UNC13C: variants seen among roughly 807,000 people sequenced by gnomAD.
UNC13C encodes the protein unc-13 homolog C, also known as protein unc-13 homolog C.
UNC13C carries 174 observed loss-of-function variants against 245.4 expected under a neutral mutation model. The observed-to-expected ratio is 0.71, with a 90% CI of 0.63 to 0.80. UNC13C has a LOEUF of 0.80. Ranked by LOEUF, UNC13C falls within the 30% of genes least tolerant of loss-of-function variation. UNC13C has a pLI of 0.00. For missense variants in UNC13C, 2,829 were observed against 2,602.9 expected, an observed-to-expected ratio of 1.09 and a Z score of -1.89; for synonymous variants, 992 against 895.1, an observed-to-expected ratio of 1.11 and a Z score of -1.93.
chr15:54,297,958 A>G, intron 12 of UNC13C, 32 bp downstream of exon 12: 1 of 1,298,526 alleles, frequency 7.7e-7, no homozygotes, highest in Non-Finnish European at 1.1e-6. Context: ...AATACAAAAT[A>G]TAAGAAATGT....
At chr15:54,034,242 T>G (rs1429342041) in intron 2 of UNC13C, among the ~76,000 whole-genome samples, 2 of 152,198 alleles carry the variant, frequency 1.3e-5, no homozygotes. Context: ...GCTGTAAGTG[T>G]GTGTCTACCA....
chr15:53,925,424 G>T, the UNC13C span, among the ~76,000 whole-genome samples: 1 of 152,152 alleles, frequency 6.6e-6, no homozygotes, highest in Non-Finnish European at 1.5e-5. Flanking sequence ...TGAGCCAGAG[G>T]CTTGTTTTCT....
chr15:54,130,237 G>C (rs2141212631), intron 2 of UNC13C, among the ~76,000 whole-genome samples: 1 of 148,002 alleles, frequency 6.8e-6, no homozygotes, highest in Non-Finnish European at 1.5e-5. Flanking sequence ...TGGTCTTTTT[G>C]ATATTCTGTG....
chr15:54,115,872 G>A (rs981296282), intron 2 of UNC13C, among the ~76,000 whole-genome samples: 1 of 151,984 alleles, frequency 6.6e-6, no homozygotes, highest in East Asian at 1.9e-4. Context: ...TATAAATTAT[G>A]GTATGACTTT....
chr15:54,203,261 C>G (rs2034579381), intron 4 of UNC13C, among the ~76,000 whole-genome samples: 1 of 151,742 alleles, frequency 6.6e-6, no homozygotes, highest in Non-Finnish European at 1.5e-5. Context: ...CTATGGAAAA[C>G]AGTGTGAAGA....
chr15:53,996,871 A>G (rs1168459105), intron 1 of UNC13C, among the ~76,000 whole-genome samples: 1 of 150,290 alleles, frequency 6.7e-6, no homozygotes, highest in Non-Finnish European at 1.5e-5. Flanking sequence ...GAAAAAAGCT[A>G]TCAGAAAAAA....
intron 4 of UNC13C, among the ~76,000 whole-genome samples, chr15:54,165,879 A>G (rs1468238736): frequency 1.3e-5 from 2 of 150,936 alleles, no homozygotes; most frequent in African/African-American, 4.9e-5. Context: ...TTTCTTGCCA[A>G]TCTGAAAGGT....
At chr15:54,605,096 G>C (rs572909932) in intron 30 of UNC13C, among the ~76,000 whole-genome samples, 2 of 152,152 alleles carry the variant, frequency 1.3e-5, no homozygotes, top group African/African-American at 2.4e-5. Flanking sequence ...TGCCTGAGAC[G>C]AGAAACAAGA....
At chr15:54,057,568 C>A (rs958587157) in intron 2 of UNC13C, among the ~76,000 whole-genome samples, 1 of 152,046 alleles carries the variant, frequency 6.6e-6, no homozygotes, top group Non-Finnish European at 1.5e-5. Flanking sequence ...AGAAAGTTAA[C>A]CAGGATATCC....
chr15:54,512,244 T>G (rs758438459), intron 24 of UNC13C: 28 of 432,414 alleles, frequency 6.5e-5, no homozygotes, highest in Non-Finnish European at 1.2e-4. Flanking sequence ...GTACTGGAGT[T>G]TATTTTTCAC....
intron 4 of UNC13C, among the ~76,000 whole-genome samples, chr15:54,162,493 C>G (rs2033015352): frequency 6.6e-6 from 1 of 152,178 alleles, no homozygotes; most frequent in Non-Finnish European, 1.5e-5. Context: ...TTCAAAATCT[C>G]TCTCCCCATC....
At chr15:53,897,957 G>T in the UNC13C span, among the ~76,000 whole-genome samples, 146 of 152,224 alleles carry the variant, frequency 9.6e-4, 1 homozygote, top group African/African-American at 3.4e-3. Context: ...GATAACTGTA[G>T]TTCTAGTTGA....
intron 13 of UNC13C, among the ~76,000 whole-genome samples, chr15:54,309,495 G>T (rs1300908721): frequency 6.6e-6 from 1 of 151,820 alleles, no homozygotes; most frequent in Non-Finnish European, 1.5e-5. Flanking sequence ...CTGTGAAGAA[G>T]CTTTTTAGGT....
At chr15:54,321,845 A>G (rs1490264480) in intron 13 of UNC13C, 94 bp from the exon 14 acceptor site, 9 of 1,197,966 alleles carry the variant, frequency 7.5e-6, no homozygotes, top group South Asian at 2.9e-5. Flanking sequence ...TCATAGATGT[A>G]GCTGTGGAAT....
intron 24 of UNC13C, among the ~76,000 whole-genome samples, chr15:54,519,822 T>C (rs1402229390): frequency 1.3e-5 from 2 of 152,170 alleles, no homozygotes; most frequent in African/African-American, 4.8e-5. Context: ...TATGAAGTGA[T>C]TTAGGGCATT....
At chr15:54,052,400 T>G (rs1897310747) in intron 2 of UNC13C, among the ~76,000 whole-genome samples, 1 of 150,194 alleles carries the variant, frequency 6.7e-6, no homozygotes, top group Admixed American at 6.7e-5. Flanking sequence ...TGTTCCTATT[T>G]CTCCACATCC....
intron 2 of UNC13C, among the ~76,000 whole-genome samples, chr15:54,104,331 T>C (rs1162452474): frequency 4.6e-5 from 7 of 152,200 alleles, no homozygotes; most frequent in African/African-American, 1.7e-4. Flanking sequence ...ATCCTTTTTT[T>C]CCCTTGGAGA....
intron 4 of UNC13C, among the ~76,000 whole-genome samples, chr15:54,182,509 G>A (rs756624735): frequency 6.6e-6 from 1 of 151,962 alleles, no homozygotes; most frequent in African/African-American, 2.4e-5. Context: ...TGGTATCAGG[G>A]TGATGCTGGC....
intron 1 of UNC13C, among the ~76,000 whole-genome samples, chr15:53,992,307 A>G (rs1329645936): frequency 6.6e-6 from 1 of 151,996 alleles, no homozygotes; most frequent in African/African-American, 2.4e-5. Context: ...CAGCTTCTTC[A>G]ATATATAGCC....
Sources: allele counts gnomAD v4.1 joint callset (sites outside exome capture counted in the v4.1 genomes callset), GRCh38; gene constraint gnomAD v4.1.1; transcripts MANE v1.5; gene names NCBI Gene and HGNC (gene_info 2026-07-23, HGNC 2026-07-21).